Variants in ZNF184 observed in about 807,000 individuals in gnomAD.
ZNF184 encodes the protein zinc finger protein 184.
ZNF184 carries 16 observed loss-of-function variants against 54.4 expected under a neutral mutation model. That is an observed-to-expected ratio of 0.29 (90% CI 0.20 to 0.45). The LOEUF (loss-of-function observed/expected upper bound fraction) is 0.45, where lower values mean the gene tolerates loss of function less well. ZNF184 is among the 20% of genes least tolerant of loss of function. The pLI is 1.00. For synonymous variants in ZNF184, 254 were observed against 295.3 expected, an observed-to-expected ratio of 0.86 and a Z score of 1.43; for missense variants, 681 against 888.2, an observed-to-expected ratio of 0.77 and a Z score of 2.97.
Position 27,472,587 on chromosome 6 carries a change from G to C in ZNF184, c.-140+142C>G, listed in dbSNP as rs1047268231. The C allele has an allele frequency of 7.5e-6, 3 of 401,680 alleles. No homozygotes were observed. Among genetic ancestry groups the C allele is most frequent in the African/African-American group, 6.1e-5 (3 of 49,390 alleles). 24.9% of individuals were successfully genotyped at this position (401,680 alleles called of 1,614,324 possible). A position where few individuals can be genotyped will look rare whatever the true frequency, so the allele number is the denominator to read the frequency against. On this transcript the variant is annotated intron_variant, in intron 1 of 5. Transcript: ENST00000683788. The surrounding 1 kb of genome is among the most constrained non-coding windows in gnomAD (Gnocchi z 4.8). ...GATGAACAAAACAGAGTGGAGATCG[G>C]GTACGCGGGTTCTGCTTCAGATCCA...
In ZNF184 at chr6:27,452,945, G is replaced by A. The variant is rs376073172; in HGVS notation, c.614C>T (p.Thr205Ile). Residue 205 changes from threonine to isoleucine, a missense_variant, in exon 6 of 6, where the codon ACT becomes ATT. Thr to Ile is a moderately conservative substitution (Grantham distance 89). Coordinates refer to ENST00000683788, the MANE Select transcript of ZNF184 (RefSeq NM_001318891.2). The surrounding 1 kb of genome is among the most constrained non-coding windows in gnomAD (Gnocchi z 5.5). ...TGAATTCTGTTTGATGCTTCTTTTA[G>A]TAGAGGTCTCTTCTGGAGATGGTTC... is the stretch of plus-strand genomic sequence containing the variant. ...TQEPSPEETS[T>I]KRSIKQNSNP... The A allele has an allele frequency of 6.3e-5, 102 of 1,614,024 alleles. No individual in the cohort carries two copies. Among genetic ancestry groups the A allele is most frequent in the Middle Eastern group, 1.6e-4 (1 of 6,084 alleles).
In ZNF184 at chr6:27,472,346, C is replaced by T; in HGVS notation, c.-52G>A. The T allele has an allele frequency of 6.2e-7, 1 of 1,613,670 alleles. No individual in the cohort carries two copies. The highest frequency in any genetic ancestry group is 1.3e-5 in the African/African-American group (1 of 75,042). ...AACTTGAACACCAGGGTTCGCCAGG[C>T]AGCGTTCCTTCAGCTGGTATCTCGG... On this transcript the variant is annotated 5_prime_UTR_variant, in exon 2 of 6. Coordinates refer to ENST00000683788, the MANE Select transcript of ZNF184 (RefSeq NM_001318891.2). The surrounding 1 kb of genome is among the most constrained non-coding windows in gnomAD (Gnocchi z 4.8).
chr6:27,465,605 T>A (rs890534264), intron 3 of ZNF184, among the ~76,000 whole-genome samples: 7 of 150,664 alleles, frequency 4.6e-5, no homozygotes, highest in African/African-American at 9.8e-5. Flanking sequence ...ATATACCATA[T>A]GTCAAAGTAA....
chr6:27,429,549 G>A, the ZNF184 span, among the ~76,000 whole-genome samples: 1 of 152,150 alleles, frequency 6.6e-6, no homozygotes, highest in Non-Finnish European at 1.5e-5. Context: ...TGGTGCTCTG[G>A]TGCCTGGTGC....
chr6:27,460,349 T>G (rs1762965930), intron 3 of ZNF184, among the ~76,000 whole-genome samples: 1 of 152,200 alleles, frequency 6.6e-6, no homozygotes, highest in Non-Finnish European at 1.5e-5. Context: ...TATAAATATA[T>G]TAAATCATTA....
intron 5 of ZNF184, among the ~76,000 whole-genome samples, chr6:27,454,682 T>C (rs1213993441): frequency 2.0e-5 from 3 of 152,130 alleles, no homozygotes; most frequent in African/African-American, 7.2e-5. Flanking sequence ...GTTATCTATA[T>C]TGTCATGTCC....
chr6:27,449,687 G>A (rs1037742413), downstream of ZNF184, among the ~76,000 whole-genome samples: 1 of 152,072 alleles, frequency 6.6e-6, no homozygotes, highest in African/African-American at 2.4e-5. Flanking sequence ...CCAGTTTGAG[G>A]CTGCAGTAAG....
the ZNF184 span, among the ~76,000 whole-genome samples, chr6:27,422,148 A>AAAAAAAGAAAAAG: frequency 2.3e-5 from 1 of 43,456 alleles, no homozygotes; most frequent in African/African-American, 8.5e-5. Flanking sequence ...CTCAAAAAAA[A>AAAAAAAGAAAAAG]AAAGAAAGAA....
chr6:27,442,218 A>G, the ZNF184 span, among the ~76,000 whole-genome samples: 1 of 152,156 alleles, frequency 6.6e-6, no homozygotes, highest in East Asian at 1.9e-4. Context: ...TTGGGCCGTG[A>G]TTACTTTCTC....
the ZNF184 span, among the ~76,000 whole-genome samples, chr6:27,442,741 G>GGAAGGAAGGAA: frequency 1.2e-4 from 3 of 24,884 alleles, 1 homozygote; most frequent in East Asian, 1.8e-3. Flanking sequence ...GAAGGAAGGA[G>GGAAGGAAGGAA]GGAGGGAGGG....
In ZNF184 at chr6:27,472,083, G is replaced by C. The variant is rs1308334014; in HGVS notation, c.7+205C>G. ...ATGTCTTTTCATTCCCCAATGGAAC[G>C]AAAGAAAAAAATAAACTCCTCTCCC... On this transcript the variant is annotated intron_variant, in intron 2 of 5. Transcript: ENST00000683788. The surrounding 1 kb of genome is among the most constrained non-coding windows in gnomAD (Gnocchi z 4.8). Among the ~76,000 whole-genome samples, 1 of 152,068 alleles carries C rather than the reference G, an allele frequency of 6.6e-6. No individual in the cohort carries two copies. Among genetic ancestry groups the C allele is most frequent in the South Asian group, 2.1e-4 (1 of 4,828 alleles).
chr6:27,431,286 A>G, the ZNF184 span, among the ~76,000 whole-genome samples: 1 of 152,150 alleles, frequency 6.6e-6, no homozygotes, highest in Non-Finnish European at 1.5e-5. Context: ...GGCCTATCTG[A>G]GGCAAAGGAT....
chr6:27,421,053 G>A, the ZNF184 span, among the ~76,000 whole-genome samples: 1 of 152,208 alleles, frequency 6.6e-6, no homozygotes. Flanking sequence ...AAAACAGACA[G>A]TAAAAAGATC....
At chr6:27,434,245 C>A in the ZNF184 span, among the ~76,000 whole-genome samples, 1 of 152,120 alleles carries the variant, frequency 6.6e-6, no homozygotes, top group Admixed American at 6.6e-5. Flanking sequence ...TTTTGAGGAA[C>A]TACTGAATGG....
At chr6:27,467,143 T>C (rs1330379831) in intron 3 of ZNF184, among the ~76,000 whole-genome samples, 4 of 152,174 alleles carry the variant, frequency 2.6e-5, no homozygotes, top group Non-Finnish European at 5.9e-5. Context: ...ATGTCACCTA[T>C]TGTTTTAGAG....
chr6:27,437,082 C>A, the ZNF184 span, among the ~76,000 whole-genome samples: 3 of 152,160 alleles, frequency 2.0e-5, no homozygotes, highest in Non-Finnish European at 4.4e-5. Flanking sequence ...TACTCATAGT[C>A]AACTATTGTG....
chr6:27,409,274 C>T, the ZNF184 span, among the ~76,000 whole-genome samples: 1 of 151,832 alleles, frequency 6.6e-6, no homozygotes, highest in Non-Finnish European at 1.5e-5. Flanking sequence ...CCGAGGCGGG[C>T]GGATCACAAG....
chr6:27,449,455 C>CCT (rs752922234), downstream of ZNF184, among the ~76,000 whole-genome samples: 7 of 152,142 alleles, frequency 4.6e-5, no homozygotes, highest in African/African-American at 9.7e-5. Flanking sequence ...CCAATTCTCC[C>CCT]TTCGATTTTA....
chr6:27,456,773 T>G, intron 5 of ZNF184, 53 bp downstream of exon 5: 1 of 1,471,586 alleles, frequency 6.8e-7, no homozygotes, highest in South Asian at 1.2e-5. Context: ...TCCTCTCTTA[T>G]CAGGCTGACA....
Sources: gnomAD v4.1 joint callset for allele counts (sites outside exome capture counted in the v4.1 genomes callset) on GRCh38, gnomAD v4.1.1 for gene constraint, Gnocchi (gnomAD v3.1) non-coding constraint, MANE v1.5 for transcripts, NCBI Gene and HGNC (gene_info 2026-07-23, HGNC 2026-07-21) for gene names.